EIF2AK3: variants seen among roughly 807,000 people sequenced by gnomAD.
EIF2AK3 encodes the protein eukaryotic translation initiation factor 2 alpha kinase 3.
A neutral mutation model predicts 113.5 loss-of-function variants in EIF2AK3; 50 were observed. The ratio of observed to expected loss-of-function variants is 0.44; its 90% confidence interval spans 0.35 to 0.56. EIF2AK3 has a LOEUF of 0.56. EIF2AK3 is among the 20% of genes least tolerant of loss of function. EIF2AK3 has a pLI of 0.00. For synonymous variants in EIF2AK3, 448 were observed against 495.4 expected, an observed-to-expected ratio of 0.90 and a Z score of 1.27; for missense variants, 1,185 against 1,378.0, an observed-to-expected ratio of 0.86 and a Z score of 2.22.
intron 2 of EIF2AK3, among the ~76,000 whole-genome samples, chr2:88,603,787 A>C (rs888531190): frequency 6.6e-6 from 1 of 152,116 alleles, no homozygotes; most frequent in Non-Finnish European, 1.5e-5. Flanking sequence ...AAGCAATTCT[A>C]ATTTTAACTT....
chr2:88,573,366 A>C (rs1027390439), intron 13 of EIF2AK3, among the ~76,000 whole-genome samples: 3 of 152,146 alleles, frequency 2.0e-5, no homozygotes, highest in African/African-American at 7.2e-5. Flanking sequence ...TGAAAACATG[A>C]TTCATTGTCT....
chr2:88,618,746 CACTT>C (rs1263459358), intron 1 of EIF2AK3, among the ~76,000 whole-genome samples: 1 of 152,240 alleles, frequency 6.6e-6, no homozygotes, highest in African/African-American at 2.4e-5. Context: ...TTCTGTCTCT[CACTT>C]ACATTTTGCT....
intron 1 of EIF2AK3, among the ~76,000 whole-genome samples, chr2:88,615,279 ATGT>A (rs1289084953): frequency 6.6e-6 from 1 of 152,206 alleles, no homozygotes; most frequent in East Asian, 1.9e-4. Context: ...GCTCCTGCAA[ATGT>A]CTCCTGTCAC....
intron 8 of EIF2AK3, 31 bp from the exon 9 acceptor site, chr2:88,586,092 T>A (rs748113381): frequency 1.9e-6 from 3 of 1,584,900 alleles, no homozygotes; most frequent in Admixed American, 1.7e-5. Context: ...ACGTTTTTTT[T>A]AAAGGTAATC....
At chr2:88,591,974 A>T (rs1433560497) in intron 4 of EIF2AK3, among the ~76,000 whole-genome samples, 1 of 152,212 alleles carries the variant, frequency 6.6e-6, no homozygotes, top group Non-Finnish European at 1.5e-5. Context: ...CAAAGTAGAA[A>T]GAATAAATGC....
At chr2:88,617,597 A>AC (rs1190371168) in intron 1 of EIF2AK3, among the ~76,000 whole-genome samples, 6 of 151,754 alleles carry the variant, frequency 4.0e-5, no homozygotes. Flanking sequence ...CTACTAAAAT[A>AC]TAAAAAAAAA....
At chr2:88,626,848 G>T in intron 1 of EIF2AK3, 119 bp downstream of exon 1, 1 of 1,349,454 alleles carries the variant, frequency 7.4e-7, no homozygotes, top group Non-Finnish European at 1.0e-6. Flanking sequence ...GTCGCCAGCT[G>T]CCCTCCGCAG....
rs186828115 is a variant in EIF2AK3, at chr2:88,619,303, C to T, written c.309-5450G>A. Among the ~76,000 whole-genome samples the T allele has an allele frequency of 2.8e-4, 42 of 152,150 alleles. No homozygotes were observed. In the East Asian group the frequency reaches 7.7e-3, roughly 28 times the overall value. ...ACCGTGCCCGGCCTCACCTATCATC[C>T]TTATAGTTTTCTATCTATAGAGCAG... is the stretch of plus-strand genomic sequence containing the variant. On this transcript the variant is annotated intron_variant, in intron 1 of 16. Transcript: ENST00000303236.
chr2:88,577,652 T>TA (rs1458902025), intron 11 of EIF2AK3, among the ~76,000 whole-genome samples: 1 of 152,162 alleles, frequency 6.6e-6, no homozygotes, highest in East Asian at 1.9e-4. Flanking sequence ...GTGCTGGGAT[T>TA]ACAAGCGTGA....
Position 88,558,052 on chromosome 2 carries a change from C to A in EIF2AK3, c.3151-116G>T, listed in dbSNP as rs377370017. 582 of 1,087,876 alleles carry A rather than the reference C, an allele frequency of 5.3e-4. 5 individuals carry two copies. The South Asian group carries it at 7.0e-3, about 13-fold the overall frequency. The allele number at this position is 1,087,876 out of a possible 1,614,324, so 67.4% of individuals were successfully genotyped here. ...ATATTTTAAGCTTTTGAGCCATATT[C>A]GAGTTTTCAAGTCTCTGATACAACT... On this transcript the variant is annotated intron_variant, in intron 16 of 16. Coordinates refer to ENST00000303236, the MANE Select transcript of EIF2AK3 (RefSeq NM_004836.7).
At chr2:88,564,386 TAAG>T (rs1558643806) in intron 14 of EIF2AK3, among the ~76,000 whole-genome samples, 1 of 152,224 alleles carries the variant, frequency 6.6e-6, no homozygotes, top group African/African-American at 2.4e-5. Flanking sequence ...TAAAGAGGAT[TAAG>T]AAGATAATTA....
At chr2:88,596,782 T>A (rs895690717) in intron 2 of EIF2AK3, among the ~76,000 whole-genome samples, 2 of 152,170 alleles carry the variant, frequency 1.3e-5, no homozygotes, top group African/African-American at 4.8e-5. Context: ...GTTTGGGATA[T>A]AATTGAAAGG....
intron 11 of EIF2AK3, among the ~76,000 whole-genome samples, chr2:88,578,856 GT>G (rs999634903): frequency 6.6e-6 from 1 of 151,682 alleles, no homozygotes; most frequent in South Asian, 2.1e-4. Flanking sequence ...TACTGCAAAG[GT>G]TTTTTTTATG....
chr2:88,600,993 A>G, intron 2 of EIF2AK3, among the ~76,000 whole-genome samples: 1 of 152,246 alleles, frequency 6.6e-6, no homozygotes, highest in Non-Finnish European at 1.5e-5. Context: ...CCATGTATCT[A>G]TCATCCAGTT....
chr2:88,561,194 T>A (rs2104385016), intron 15 of EIF2AK3, among the ~76,000 whole-genome samples: 1 of 151,814 alleles, frequency 6.6e-6, no homozygotes, highest in East Asian at 1.9e-4. Flanking sequence ...CCTCAAGTGA[T>A]CTTCCTGCTT....
chr2:88,572,619 A>G (rs1031764294), intron 13 of EIF2AK3, among the ~76,000 whole-genome samples: 2 of 152,232 alleles, frequency 1.3e-5, no homozygotes, highest in African/African-American at 2.4e-5. Flanking sequence ...GTTCTGGCTA[A>G]ATCACTTGAT....
chr2:88,588,696 CAAAGACAGTCAGGATT>C, intron 7 of EIF2AK3, 49 bp downstream of exon 7: 2 of 1,577,332 alleles, frequency 1.3e-6, no homozygotes, highest in Non-Finnish European at 1.7e-6. Flanking sequence ...AAAACTAGGG[CAAAGACAGTCAGGATT>C]AGGTCTCTGA....
chr2:88,580,529 CCCA>C (rs1438490869), intron 10 of EIF2AK3, among the ~76,000 whole-genome samples: 1 of 152,144 alleles, frequency 6.6e-6, no homozygotes, highest in Non-Finnish European at 1.5e-5. Flanking sequence ...GCTCCCTTCT[CCCA>C]CCGCCACTGT....
rs757433581 is a variant in EIF2AK3 at position 88,579,660 on chromosome 2, T to G, written c.1764-20A>C. ...AGATATCTTTAAAAAGAGATAAAAT[T>G]TATAAAGGTTTGCAACAGTTTTAAA... On this transcript the variant is annotated intron_variant, in intron 10 of 16. Transcript: ENST00000303236. The G allele has an allele frequency of 7.5e-6, 12 of 1,609,278 alleles. No individual in the cohort carries two copies. The highest frequency in any genetic ancestry group is 1.0e-5 in the Non-Finnish European group (12 of 1,177,022).
Sources: gnomAD v4.1 joint callset for allele counts (sites outside exome capture counted in the v4.1 genomes callset) on GRCh38, gnomAD v4.1.1 for gene constraint, MANE v1.5 for transcripts, NCBI Gene and HGNC (gene_info 2026-07-23, HGNC 2026-07-21) for gene names.